The following TMEM184A variants were observed in gnomAD, a reference collection of about 807,000 sequenced individuals.
TMEM184A encodes the protein sexually dimorphic, expressed in male gonads 1.
Under a neutral mutation model 39.5 loss-of-function variants are expected in TMEM184A, and 40 were observed. The ratio of observed to expected loss-of-function variants is 1.01; its 90% CI spans 0.79 to 1.32. The LOEUF is 1.32. Ranked by LOEUF, TMEM184A falls within the 40% of genes most tolerant of loss-of-function variation. The probability of loss-of-function intolerance (pLI) is 0.00; values close to 1 mark genes in which losing one functional copy is unlikely to be tolerated. For missense variants in TMEM184A, 603 were observed against 568.8 expected (o/e 1.06, Z -0.61); for synonymous variants, 280 against 252.3 (o/e 1.11, Z -1.04).
At chr7:1,547,967 A>C in intron 7 of TMEM184A, 28 bp from the exon 8 acceptor site, 1 of 1,545,292 alleles carries the variant, frequency 6.5e-7, no homozygotes, top group Non-Finnish European at 8.7e-7. Context: ...GCTCAGCCCC[A>C]GCCCCAGACG....
intron 2 of TMEM184A, among the ~76,000 whole-genome samples, chr7:1,553,136 AT>A (rs11412024): frequency 6.6e-6 from 1 of 151,474 alleles, no homozygotes; most frequent in Non-Finnish European, 1.5e-5. Context: ...CCACGTTTTT[AT>A]TTTTTTTAAT....
At chr7:1,554,505 A>G (rs6959291) in intron 2 of TMEM184A, among the ~76,000 whole-genome samples, 98,891 of 152,008 alleles carry the variant, frequency 0.65, 32,660 homozygotes, top group African/African-American at 0.76. Context: ...TCGCGGGCCT[A>G]CACACGCACT....
At position 1,555,546 on chromosome 7, in the gene TMEM184A, G is replaced by C; in HGVS notation, c.1-62C>G. On this transcript the variant is annotated intron_variant, in intron 1 of 8. Transcript: ENST00000297477. This position sits in a 1 kb window ranked among gnomAD's most constrained non-coding sequence, Gnocchi z 5.2. Reference sequence around the variant, plus strand: ...AGGGCAAAGGTACTGGCTCCCGGCAGCAGGAAGCAGCGGGGGAGGGAGGAG... The same window carrying C: ...AGGGCAAAGGTACTGGCTCCCGGCACCAGGAAGCAGCGGGGGAGGGAGGAG... 3.0e-6 allele frequency: 4 copies of C among 1,317,260 alleles called. No homozygotes were observed. The East Asian group carries it at 9.2e-5, about 30-fold the overall frequency. The allele number at this position is 1,317,260 out of a possible 1,614,324, so 81.6% of individuals were successfully genotyped here.
intron 7 of TMEM184A, 85 bp from the exon 8 acceptor site, chr7:1,548,024 T>G: frequency 7.0e-7 from 1 of 1,421,102 alleles, no homozygotes; most frequent in Admixed American, 2.0e-5. Flanking sequence ...GCGGCTCCTC[T>G]GACGGGTGCT....
chr7:1,547,556 C>T (rs1784397935), intron 8 of TMEM184A, among the ~76,000 whole-genome samples, 186 bp downstream of exon 8: 1 of 152,160 alleles, frequency 6.6e-6, no homozygotes, highest in Non-Finnish European at 1.5e-5. Flanking sequence ...TCCCCCATCA[C>T]CATTGGGGTC....
chr7:1,547,644 G>A lies in TMEM184A; in HGVS notation c.1012+98C>T, dbSNP rs73672624. 888 of 1,300,554 alleles carry A rather than the reference G, an allele frequency of 6.8e-4. 6 individuals carry two copies. The African/African-American group carries it at 0.012, about 17-fold the overall frequency. 80.6% of individuals were successfully genotyped at this position (1,300,554 alleles called of 1,614,324 possible). A position where few individuals can be genotyped will look rare whatever the true frequency, so the allele number is the denominator to read the frequency against. ...CTTTGCCCGTCTCCCTGCCCAGCGAGCTGGCATTCCTGGGCCTCGAGAATG... is the reference window on the plus strand; with the variant it reads ...CTTTGCCCGTCTCCCTGCCCAGCGAACTGGCATTCCTGGGCCTCGAGAATG... On this transcript the variant is annotated intron_variant, in intron 8 of 8. Coordinates refer to ENST00000297477, the MANE Select transcript of TMEM184A (RefSeq NM_001097620.2).
chr7:1,550,338 G>T lies in TMEM184A; in HGVS notation c.443C>A (p.Ala148Asp). 6.2e-7 allele frequency: 1 copy of T among 1,613,030 alleles called. No individual in the cohort carries two copies. The highest frequency in any genetic ancestry group is 8.5e-7 in the Non-Finnish European group (1 of 1,179,810). ...CTTTCCACGAATCTCAGCCATGATG[G>T]CGCCCTCGCCTCCCAGGTACTGGAA... is the stretch of plus-strand genomic sequence containing the variant. The part of the protein sequence containing the change: ...LCFQYLGGEG[A>D]IMAEIRGKPI... The change falls in exon 4 of 9, where the codon GCC becomes GAC. Residue 148 changes from alanine (A) to aspartate (D), a missense_variant. By Grantham distance (126) the Ala-to-Asp change is moderately radical (BLOSUM62 -2). Transcript: ENST00000297477.
At chr7:1,548,900 G>A in intron 6 of TMEM184A, 1 of 702,784 alleles carries the variant, frequency 1.4e-6, no homozygotes, top group Non-Finnish European at 2.6e-6. Flanking sequence ...TGCAGGGGTA[G>A]GGCAGGGACG....
At chr7:1,551,542 A>G (rs1163148718) in intron 2 of TMEM184A, among the ~76,000 whole-genome samples, 1 of 152,264 alleles carries the variant, frequency 6.6e-6, no homozygotes, top group Non-Finnish European at 1.5e-5. Flanking sequence ...AATTAGATAC[A>G]TACTTTTATA....
chr7:1,548,774 C>T (rs770411124), intron 6 of TMEM184A, 86 bp from the exon 7 acceptor site: 26 of 1,483,098 alleles, frequency 1.8e-5, no homozygotes, highest in Non-Finnish European at 2.4e-5. Flanking sequence ...GCACCCTCAG[C>T]CTGGTCCCCA....
At chr7:1,549,515 G>A (rs779364884) in intron 6 of TMEM184A, 11 of 489,510 alleles carry the variant, frequency 2.2e-5, no homozygotes, top group Non-Finnish European at 3.3e-5. Flanking sequence ...TGGGGTCCTC[G>A]GCGCAGATGC....
Position 1,555,474 on chromosome 7 carries a change from A to T in TMEM184A, c.11T>A (p.Val4Asp). Reference sequence around the variant, plus strand: ...GCCGGCTGTCTCCAGGATCCCTGAGACATTACTCATCTGCAGAGGGAGGGA... The same window carrying T: ...GCCGGCTGTCTCCAGGATCCCTGAGTCATTACTCATCTGCAGAGGGAGGGA... MSN[V>D]SGILETAGVP... The change falls in exon 2 of 9, where the codon GTC (valine) becomes GAC (aspartate). Residue 4 changes from valine to aspartate, a missense_variant. Physicochemically the swap from Val to Asp is radical, Grantham distance 152. Coordinates refer to ENST00000297477, the MANE Select transcript of TMEM184A (RefSeq NM_001097620.2). This position sits in a 1 kb window ranked among gnomAD's most constrained non-coding sequence, Gnocchi z 5.2. 1 of 1,605,978 alleles carries T rather than the reference A, an allele frequency of 6.2e-7. No individual in the cohort carries two copies. The highest frequency in any genetic ancestry group is 8.5e-7 in the Non-Finnish European group (1 of 1,179,600).
chr7:1,551,011 C>T lies in TMEM184A; in HGVS notation c.220-29G>A, dbSNP rs373163510. ...GGCGCAGGAGGGGTCGCATGAGAGC[C>T]GGGCCCGCCTGGTACCCCTGGACCA... is the stretch of plus-strand genomic sequence containing the variant. On this transcript the variant is annotated intron_variant, in intron 2 of 8. Transcript: ENST00000297477. 5.5e-5 allele frequency: 81 copies of T among 1,468,942 alleles called. No individual in the cohort carries two copies. In the East Asian group the frequency reaches 7.5e-4, roughly 14 times the overall value. The allele number at this position is 1,468,942 out of a possible 1,614,324, so 91.0% of individuals were successfully genotyped here.
chr7:1,549,259 T>G, intron 6 of TMEM184A: 1 of 441,426 alleles, frequency 2.3e-6, no homozygotes, highest in Non-Finnish European at 4.5e-6. Flanking sequence ...TGCGCACAGG[T>G]GACAGCACAT....
chr7:1,547,091 G>A lies in TMEM184A; in HGVS notation c.1103C>T (p.Ser368Phe), dbSNP rs1306858670. ...DIVQDAIHNF[S>F]PAYQHYTQQA... Reference sequence around the variant, plus strand: ...CTGCGTGTAGTGCTGGTAGGCGGGGGAGAAGTTGTGGATGGCGTCCTGCAC... The same window carrying A: ...CTGCGTGTAGTGCTGGTAGGCGGGGAAGAAGTTGTGGATGGCGTCCTGCAC... Residue 368 changes from serine (S) to phenylalanine (F), a missense_variant, in exon 9 of 9, where the codon TCC (serine) becomes TTC (phenylalanine). Transcript: ENST00000297477. 1.9e-6 allele frequency: 3 copies of A among 1,610,518 alleles called. No individual in the cohort carries two copies. The highest frequency in any genetic ancestry group is 1.7e-6 in the Non-Finnish European group (2 of 1,179,742).
In TMEM184A at chr7:1,547,770, C is replaced by T. The variant is rs1784406011; in HGVS notation, c.984G>A (p.Val328=). ...VALRYAFPCQ[V]YAEKKENSPA... Reference sequence around the variant, plus strand: ...GTGAATTCTCCTTCTTCTCTGCGTACACCTGGCAGGGGAAGGCATAACGCA... The same window carrying T: ...GTGAATTCTCCTTCTTCTCTGCGTATACCTGGCAGGGGAAGGCATAACGCA... The change falls in exon 8 of 9, where the codon GTG becomes GTA. Residue 328 remains valine, a synonymous_variant. Transcript: ENST00000297477. The T allele has an allele frequency of 6.2e-7, 1 of 1,612,920 alleles. No homozygotes were observed. The highest frequency in any genetic ancestry group is 8.5e-7 in the Non-Finnish European group (1 of 1,179,824).
chr7:1,546,730 G>A lies in TMEM184A; in HGVS notation c.*222C>T, dbSNP rs1784358971. The A allele has an allele frequency of 2.0e-6, 1 of 508,182 alleles. No individual in the cohort carries two copies. The highest frequency in any genetic ancestry group is 3.3e-5 in the East Asian group (1 of 30,478). The allele number at this position is 508,182 out of a possible 1,614,324, so 31.5% of individuals were successfully genotyped here. On this transcript the variant is annotated 3_prime_UTR_variant, in exon 9 of 9. Transcript: ENST00000297477. ...CCAGGCTCTTCCGATTGGCTCAGGT[G>A]CCCTCTCCTGCGGTGGCGGGCCCAC...
At chr7:1,552,018 G>A (rs577196520) in intron 2 of TMEM184A, among the ~76,000 whole-genome samples, 19 of 150,840 alleles carry the variant, frequency 1.3e-4, no homozygotes, top group African/African-American at 4.4e-4. Context: ...TCGCTCTGTC[G>A]CCCAGACTGG....
chr7:1,544,497 C>G lies in TMEM184A; in HGVS notation c.*2455G>C, dbSNP rs1005172897. 1 of 152,340 alleles carries G rather than the reference C, an allele frequency of 6.6e-6. No individual in the cohort carries two copies. Among genetic ancestry groups the G allele is most frequent in the African/African-American group, 2.4e-5 (1 of 41,466 alleles). 9.4% of individuals were successfully genotyped at this position (152,340 alleles called of 1,614,324 possible). A position where few individuals can be genotyped will look rare whatever the true frequency, so the allele number is the denominator to read the frequency against. On this transcript the variant is annotated 3_prime_UTR_variant, in exon 9 of 9. Transcript: ENST00000297477. ...CTGTCGGGGCCTGTCACCGGGAAAC[C>G]CCTTTTTTAGCAGCGATGACGACAC...
Sources: gnomAD v4.1 joint callset for allele counts (sites outside exome capture counted in the v4.1 genomes callset) on GRCh38, gnomAD v4.1.1 for gene constraint, Gnocchi (gnomAD v3.1) non-coding constraint, MANE v1.5 for transcripts, NCBI Gene and HGNC (gene_info 2026-07-23, HGNC 2026-07-21) for gene names.